Variants in NIN observed in about 807,000 individuals in gnomAD.
NIN encodes ninein, also known as glycogen synthase kinase 3 beta-interacting protein.
A neutral mutation model predicts 257.6 loss-of-function variants in NIN; 137 were observed. The observed-to-expected ratio is 0.53, with a 90% CI of 0.46 to 0.61. NIN has a LOEUF of 0.61. Ranked by LOEUF, NIN falls within the 20% of genes least tolerant of loss-of-function variation. The probability of loss-of-function intolerance (pLI) is 0.00; values close to 1 mark genes in which losing one functional copy is unlikely to be tolerated. For missense variants in NIN, 2,439 were observed against 2,501.2 expected (o/e 0.98, Z 0.53); for synonymous variants, 918 against 919.8 (o/e 1.00, Z 0.04).
In NIN at chr14:50,752,608, C is replaced by T; in HGVS notation, c.4860G>A (p.Gln1620=). ...CACTGTTTCCTGGCTCTTTTTCCTT[C>T]TGGCATAGCATTTCTGTTAGACGTT... The part of the protein sequence containing the change: ...LNQRLTEMLC[Q]KEKEPGNSAL... Residue 1620 remains glutamine, a synonymous_variant, in exon 21 of 31, where the codon CAG becomes CAA. Transcript: ENST00000530997. The T allele has an allele frequency of 1.2e-6, 2 of 1,614,024 alleles. No individual in the cohort carries two copies. The highest frequency in any genetic ancestry group is 1.1e-5 in the South Asian group (1 of 91,076).
intron 29 of NIN, chr14:50,727,777 C>A (rs1439585072): frequency 4.2e-6 from 6 of 1,417,820 alleles, no homozygotes; most frequent in Non-Finnish European, 5.7e-6. Context: ...AAGTAGTACA[C>A]TTCACCCTCA....
In NIN at chr14:50,751,314, C is replaced by T. The variant is rs577038519; in HGVS notation, c.4950+1204G>A. Among the ~76,000 whole-genome samples the T allele has an allele frequency of 1.4e-4, 22 of 152,216 alleles. No individual in the cohort carries two copies. The South Asian group carries it at 4.4e-3, about 30-fold the overall frequency. On this transcript the variant is annotated intron_variant, in intron 21 of 30. Transcript: ENST00000530997. Reference sequence around the variant, plus strand: ...AGAAGTGAGATTTCCAGGGCAAAAGCTAGGTACATATGTAATTTTGTTAGG... The same window carrying T: ...AGAAGTGAGATTTCCAGGGCAAAAGTTAGGTACATATGTAATTTTGTTAGG...
intron 5 of NIN, among the ~76,000 whole-genome samples, chr14:50,783,957 G>T (rs2141943191): frequency 7.0e-6 from 1 of 143,604 alleles, no homozygotes; most frequent in South Asian, 2.1e-4. Context: ...AAAAGTAGGG[G>T]GGAAAGCGAG....
rs1469186988 is a variant in NIN, at chr14:50,720,400, T to A, written c.*3063A>T. 1 of 213,132 alleles carries A rather than the reference T, an allele frequency of 4.7e-6. No homozygotes were observed. The allele number at this position is 213,132 out of a possible 1,614,324, so 13.2% of individuals were successfully genotyped here. On this transcript the variant is annotated 3_prime_UTR_variant, in exon 31 of 31. Coordinates refer to ENST00000530997, the MANE Select transcript of NIN (RefSeq NM_020921.4). Reference sequence around the variant, plus strand: ...ATCACATAAATCACAAAATAAAAAATTCATTTCTCACATGTTAAAAAAGCA... The same window carrying A: ...ATCACATAAATCACAAAATAAAAAAATCATTTCTCACATGTTAAAAAAGCA...
intron 2 of NIN, among the ~76,000 whole-genome samples, chr14:50,828,862 T>C (rs2045577738): frequency 6.6e-6 from 1 of 152,204 alleles, no homozygotes; most frequent in African/African-American, 2.4e-5. Context: ...TCTTTTGATA[T>C]TAAGGGTCAT....
chr14:50,772,855 T>C, intron 8 of NIN, 94 bp downstream of exon 8: 1 of 997,786 alleles, frequency 1.0e-6, no homozygotes, highest in Non-Finnish European at 1.5e-6. Context: ...CTTTCCTTAG[T>C]ATTTTGCTTC....
chr14:50,728,057 T>TC (rs1293812748), intron 29 of NIN, among the ~76,000 whole-genome samples: 2 of 151,808 alleles, frequency 1.3e-5, no homozygotes, highest in African/African-American at 4.8e-5. Flanking sequence ...TTGGAGGATT[T>TC]TTTTTTTCTT....
Position 50,776,940 on chromosome 14 carries a change from G to A in NIN, c.666+9C>T, listed in dbSNP as rs1320296471. The A allele has an allele frequency of 1.0e-5, 16 of 1,607,326 alleles. No homozygotes were observed. The highest frequency in any genetic ancestry group is 1.7e-4 in the Middle Eastern group (1 of 6,052). ...CATTATCATTCCTGAATTATACTGC[G>A]AGGCTTACCTCTCCATCCACATTCT... On this transcript the variant is annotated intron_variant, in intron 7 of 30. Coordinates refer to ENST00000530997, the MANE Select transcript of NIN (RefSeq NM_020921.4).
At chr14:50,773,265 C>T (rs771825877) in intron 7 of NIN, among the ~76,000 whole-genome samples, 170 bp from the exon 8 acceptor site, 1 of 152,148 alleles carries the variant, frequency 6.6e-6, no homozygotes, top group African/African-American at 2.4e-5. Context: ...ATGATATGCC[C>T]TCCTCCTTCC....
At position 50,756,998 on chromosome 14, in the gene NIN, G is replaced by T; in HGVS notation, c.4032C>A (p.Asp1344Glu). 2 of 1,613,594 alleles carry T rather than the reference G, an allele frequency of 1.2e-6. No homozygotes were observed. Among genetic ancestry groups the T allele is most frequent in the Non-Finnish European group, 1.7e-6 (2 of 1,179,764 alleles). The change falls in exon 18 of 31, where the codon GAC becomes GAA. Residue 1344 changes from aspartate (D) to glutamate (E), a missense_variant. Transcript: ENST00000530997. ...CTAAACTGGCTTCCCATAAGCAGCA[G>T]TCACACCGCTGGACCACGCTTTCCT... is the stretch of plus-strand genomic sequence containing the variant. ...KLQESVVQRC[D>E]CCLWEASLEN...
At chr14:50,810,486 G>A (rs1247359206) in intron 3 of NIN, among the ~76,000 whole-genome samples, 2 of 152,058 alleles carry the variant, frequency 1.3e-5, no homozygotes, top group Non-Finnish European at 2.9e-5. Context: ...GAGGCCAGGA[G>A]TTTGAGACCA....
intron 2 of NIN, among the ~76,000 whole-genome samples, chr14:50,828,614 G>C (rs937023616): frequency 6.6e-6 from 1 of 152,188 alleles, no homozygotes; most frequent in African/African-American, 2.4e-5. Context: ...CTTCTAAAAT[G>C]CTCTGGCTAA....
rs374427534 is a variant in NIN, at chr14:50,777,154, T to C, written c.476-15A>G. On this transcript the variant is annotated splice_polypyrimidine_tract_variant and intron_variant, in intron 6 of 30. Coordinates refer to ENST00000530997, the MANE Select transcript of NIN (RefSeq NM_020921.4). ...CCTTAACTGGCCTGAGAGAGAAGCA[T>C]ATGTTGCACGGTTTCCAAAGGAATT... 1.3e-6 allele frequency: 2 copies of C among 1,570,688 alleles called. No individual in the cohort carries two copies. Among genetic ancestry groups the C allele is most frequent in the African/African-American group, 1.4e-5 (1 of 73,240 alleles).
At position 50,770,398 on chromosome 14, in the gene NIN, A is replaced by C; in HGVS notation, c.1424T>G (p.Leu475Arg). Residue 475 changes from leucine (L) to arginine (R), a missense_variant, in exon 12 of 31, where the codon CTC (leucine) becomes CGC (arginine). Leu to Arg is a moderately radical substitution (Grantham distance 102, BLOSUM62 -2). Coordinates refer to ENST00000530997, the MANE Select transcript of NIN (RefSeq NM_020921.4). ...TAATAAGATGATTACCTTTAAAGAG[A>C]GGGCAAGGCGGTCCCGGATATAGTT... ...EENYIRDRLALSLKENSRLEN... is the reference protein window; with the variant it reads ...EENYIRDRLARSLKENSRLEN... 1 of 1,614,004 alleles carries C rather than the reference A, an allele frequency of 6.2e-7. No individual in the cohort carries two copies.
chr14:50,805,591 G>A (rs2044290432), intron 4 of NIN, among the ~76,000 whole-genome samples: 2 of 152,194 alleles, frequency 1.3e-5, no homozygotes, highest in South Asian at 4.1e-4. Flanking sequence ...AGATCACCCG[G>A]CAAGGGTGAG....
At chr14:50,773,276 C>T (rs2042802086) in intron 7 of NIN, among the ~76,000 whole-genome samples, 181 bp from the exon 8 acceptor site, 1 of 152,174 alleles carries the variant, frequency 6.6e-6, no homozygotes, top group African/African-American at 2.4e-5. Context: ...TCCTCCTTCC[C>T]ACAAACTAAA....
At chr14:50,731,455 T>C (rs1345429417) in intron 28 of NIN, among the ~76,000 whole-genome samples, 1 of 143,940 alleles carries the variant, frequency 6.9e-6, no homozygotes, top group African/African-American at 2.6e-5. Context: ...TGCTTGAACC[T>C]GGGAGGCAGA....
In NIN at chr14:50,720,425, A is replaced by G. The variant is rs2040248867; in HGVS notation, c.*3038T>C. 4.2e-5 allele frequency: 9 copies of G among 212,396 alleles called. No individual in the cohort carries two copies. In the Admixed American group the frequency reaches 4.7e-4, roughly 11 times the overall value. The allele number at this position is 212,396 out of a possible 1,614,324, so 13.2% of individuals were successfully genotyped here. ...TTCATTTCTCACATGTTAAAAAAGC[A>G]AAGTCTGCCATAAACCCTTAGAGAA... On this transcript the variant is annotated 3_prime_UTR_variant, in exon 31 of 31. Transcript: ENST00000530997.
chr14:50,760,984 T>TA (rs2042253628), intron 16 of NIN, among the ~76,000 whole-genome samples: 1 of 152,182 alleles, frequency 6.6e-6, no homozygotes, highest in African/African-American at 2.4e-5. Flanking sequence ...TTAAAATACT[T>TA]AATTAAATTC....
Sources: gnomAD v4.1 joint callset for allele counts (sites outside exome capture counted in the v4.1 genomes callset) on GRCh38, gnomAD v4.1.1 for gene constraint, MANE v1.5 for transcripts, NCBI Gene and HGNC (gene_info 2026-07-23, HGNC 2026-07-21) for gene names.